Variants in NREP observed in about 807,000 individuals in gnomAD.
The protein encoded by NREP is neuronal regeneration-related protein.
A neutral mutation model predicts 8.6 loss-of-function variants in NREP; 5 were observed. The ratio of observed to expected loss-of-function variants is 0.58; its 90% CI spans 0.30 to 1.22. The LOEUF is 1.22. NREP is among the 50% of genes most tolerant of loss of function. The pLI is 0.07. For missense variants in NREP, 86 were observed against 82.5 expected (o/e 1.04, Z -0.17); for synonymous variants, 27 against 28.0 (o/e 0.96, Z 0.11).
chr5:111,867,331 T>G (rs1230885716), intron 2 of NREP, among the ~76,000 whole-genome samples: 2 of 152,116 alleles, frequency 1.3e-5, no homozygotes, highest in East Asian at 3.9e-4. Context: ...TCTTCCTCTC[T>G]TTGCAGACTT....
At chr5:111,920,879 T>C (rs1755219211) in intron 2 of NREP, among the ~76,000 whole-genome samples, 1 of 152,134 alleles carries the variant, frequency 6.6e-6, no homozygotes, top group African/African-American at 2.4e-5. Flanking sequence ...AGCCATCTTG[T>C]CTGAACATGT....
rs1460597246 is a variant in NREP at position 111,786,980 on chromosome 5, A to T, written c.136-51473T>A. ...GCTACATGTATGCTACCCTTCTTAAACTATGTCCAGCAGAGCAATGATGTC... is the reference window on the plus strand; with the variant it reads ...GCTACATGTATGCTACCCTTCTTAATCTATGTCCAGCAGAGCAATGATGTC... On this transcript the variant is annotated intron_variant, in intron 2 of 3. Transcript: ENST00000395634. 5.9e-5 allele frequency among the ~76,000 whole-genome samples: 9 copies of T among 152,318 alleles called. No homozygotes were observed. The South Asian group carries it at 1.7e-3, about 28-fold the overall frequency.
At chr5:111,803,209 T>C (rs550807503) in intron 2 of NREP, among the ~76,000 whole-genome samples, 5 of 152,248 alleles carry the variant, frequency 3.3e-5, no homozygotes, top group South Asian at 2.1e-4. Context: ...TTCTATTTTA[T>C]AAAATAAAAT....
chr5:111,831,891 C>T (rs1752776940), intron 2 of NREP, among the ~76,000 whole-genome samples: 3 of 152,144 alleles, frequency 2.0e-5, no homozygotes, highest in South Asian at 2.1e-4. Flanking sequence ...ATCTGGCCCT[C>T]TTGTGGGGTT....
chr5:111,742,355 C>A (rs770221329), intron 2 of NREP, among the ~76,000 whole-genome samples: 10 of 152,090 alleles, frequency 6.6e-5, no homozygotes, highest in Non-Finnish European at 1.5e-4. Flanking sequence ...ATGTGGGAAC[C>A]TGACAGCTGT....
intron 2 of NREP, among the ~76,000 whole-genome samples, chr5:111,900,037 A>G (rs1754605149): frequency 6.6e-6 from 1 of 152,152 alleles, no homozygotes; most frequent in African/African-American, 2.4e-5. Flanking sequence ...GATAGACCAT[A>G]TATTAGGACA....
chr5:111,913,620 G>A (rs1290515326), intron 2 of NREP, among the ~76,000 whole-genome samples: 1 of 152,042 alleles, frequency 6.6e-6, no homozygotes, highest in Non-Finnish European at 1.5e-5. Context: ...GATAAAAGGA[G>A]GAACTAATCA....
At chr5:111,941,891 A>T (rs1755839103) in intron 2 of NREP, among the ~76,000 whole-genome samples, 1 of 152,046 alleles carries the variant, frequency 6.6e-6, no homozygotes, top group Non-Finnish European at 1.5e-5. Flanking sequence ...CTTCCTAGAC[A>T]TGTCTATGTG....
intron 2 of NREP, among the ~76,000 whole-genome samples, chr5:111,870,301 C>T (rs1753760504): frequency 6.6e-6 from 1 of 152,068 alleles, no homozygotes; most frequent in East Asian, 1.9e-4. Flanking sequence ...TGGTGGCACA[C>T]ACCTGTAGTC....
At chr5:111,774,159 T>C (rs1428743503) in intron 2 of NREP, among the ~76,000 whole-genome samples, 1 of 149,586 alleles carries the variant, frequency 6.7e-6, no homozygotes, top group African/African-American at 2.5e-5. Flanking sequence ...TCCAGCATTA[T>C]GCTAGATACT....
chr5:111,773,001 GTAT>G (rs1205986711), intron 2 of NREP, among the ~76,000 whole-genome samples: 1 of 152,082 alleles, frequency 6.6e-6, no homozygotes, highest in Non-Finnish European at 1.5e-5. Context: ...AGTCAACATA[GTAT>G]TGATAATTCT....
intron 2 of NREP, among the ~76,000 whole-genome samples, chr5:111,742,875 C>T (rs945248710): frequency 5.9e-5 from 9 of 152,128 alleles, no homozygotes; most frequent in Admixed American, 5.9e-4. Flanking sequence ...AAAAGGGAGT[C>T]ACTGATCGAG....
chr5:111,742,005 T>C (rs191521989), intron 2 of NREP, among the ~76,000 whole-genome samples: 219 of 152,244 alleles, frequency 1.4e-3, no homozygotes, highest in African/African-American at 4.0e-3. Context: ...TTGAGTTTCA[T>C]TGCCTGGTAA....
At chr5:111,864,875 G>T (rs919065340) in intron 2 of NREP, among the ~76,000 whole-genome samples, 2 of 152,218 alleles carry the variant, frequency 1.3e-5, no homozygotes, top group African/African-American at 4.8e-5. Context: ...CTTTCAGCAT[G>T]TATTTTAGTG....
At chr5:111,741,824 T>TACAC (rs112980817) in intron 2 of NREP, among the ~76,000 whole-genome samples, 2,536 of 73,418 alleles carry the variant, frequency 0.035, 41 homozygotes, top group Non-Finnish European at 0.054. Flanking sequence ...AACACACACA[T>TACAC]ACACACACAC....
intron 2 of NREP, among the ~76,000 whole-genome samples, chr5:111,777,215 A>G (rs1751385358): frequency 1.3e-5 from 2 of 152,142 alleles, no homozygotes; most frequent in African/African-American, 2.4e-5. Context: ...TACATAATTA[A>G]TATCATTCCT....
intron 2 of NREP, among the ~76,000 whole-genome samples, chr5:111,849,338 G>A (rs1430927776): frequency 6.6e-6 from 1 of 152,120 alleles, no homozygotes; most frequent in Non-Finnish European, 1.5e-5. Flanking sequence ...AAGAAATTGA[G>A]GGAGGAATGT....
chr5:111,905,272 T>A (rs962289154), intron 2 of NREP, among the ~76,000 whole-genome samples: 3 of 152,124 alleles, frequency 2.0e-5, no homozygotes, highest in Non-Finnish European at 4.4e-5. Context: ...AGACTGTGTT[T>A]AACATTGTAA....
chr5:111,802,479 T>G (rs4957978), intron 2 of NREP, among the ~76,000 whole-genome samples: 77,063 of 151,996 alleles, frequency 0.51, 21,139 homozygotes, highest in African/African-American at 0.7. Context: ...ACTGTTGAAA[T>G]GAAAGATGGG....
Sources: allele counts gnomAD v4.1 joint callset (sites outside exome capture counted in the v4.1 genomes callset), GRCh38; gene constraint gnomAD v4.1.1; transcripts MANE v1.5; gene names NCBI Gene and HGNC (gene_info 2026-07-23, HGNC 2026-07-21).